Variants in GRIA4 observed in about 807,000 individuals in gnomAD.
GRIA4 encodes the protein glutamate ionotropic receptor AMPA type subunit 4.
Under a neutral mutation model 104.0 loss-of-function variants are expected in GRIA4, and 34 were observed. The ratio of observed to expected loss-of-function variants is 0.33; its 90% CI spans 0.25 to 0.44. GRIA4 has a LOEUF of 0.44. GRIA4 is among the 20% of genes least tolerant of loss of function. The probability of loss-of-function intolerance (pLI) is 1.00; values close to 1 mark genes in which losing one functional copy is unlikely to be tolerated. For missense variants in GRIA4, 750 were observed against 1,096.5 expected (o/e 0.68, Z 4.46); for synonymous variants, 386 against 381.9 (o/e 1.01, Z -0.13).
rs1246413233 is a variant in GRIA4, at chr11:105,777,649, C to T, written c.487+24429C>T. 2.0e-5 allele frequency among the ~76,000 whole-genome samples: 3 copies of T among 151,958 alleles called. No homozygotes were observed. The South Asian group carries it at 6.2e-4, about 32-fold the overall frequency. On this transcript the variant is annotated intron_variant, in intron 4 of 16. Transcript: ENST00000282499. ...ATAAAAAATTTTGTGGATCTAGATA[C>T]CATCAAGATGAAGCCTAGGTTCATG...
At chr11:105,847,656 G>A (rs1329787824) in intron 4 of GRIA4, among the ~76,000 whole-genome samples, 1 of 152,034 alleles carries the variant, frequency 6.6e-6, no homozygotes, top group Non-Finnish European at 1.5e-5. Context: ...TTACAGAAAA[G>A]GTAATCCTAC....
At chr11:105,916,138 C>T (rs1767172230) in intron 10 of GRIA4, among the ~76,000 whole-genome samples, 1 of 152,066 alleles carries the variant, frequency 6.6e-6, no homozygotes, top group Admixed American at 6.6e-5. Context: ...GAGCCGAGAT[C>T]GCACTACTAC....
At chr11:105,842,044 G>C (rs1174249812) in intron 4 of GRIA4, among the ~76,000 whole-genome samples, 3 of 152,080 alleles carry the variant, frequency 2.0e-5, no homozygotes, top group Non-Finnish European at 4.4e-5. Flanking sequence ...AGCTCATTGA[G>C]AAGTTACCAT....
intron 3 of GRIA4, among the ~76,000 whole-genome samples, chr11:105,718,932 AG>A (rs1323774319): frequency 1.3e-5 from 2 of 152,130 alleles, no homozygotes; most frequent in Non-Finnish European, 2.9e-5. Flanking sequence ...AGGGGAAACA[AG>A]GTAGGGAGTC....
intron 11 of GRIA4, among the ~76,000 whole-genome samples, chr11:105,922,996 G>A (rs2136192063): frequency 6.6e-6 from 1 of 152,082 alleles, no homozygotes; most frequent in South Asian, 2.1e-4. Flanking sequence ...ATTCCCTCTT[G>A]AAGGCATATG....
chr11:105,808,665 A>G (rs958555150), intron 4 of GRIA4, among the ~76,000 whole-genome samples: 5 of 152,116 alleles, frequency 3.3e-5, no homozygotes, highest in African/African-American at 1.2e-4. Context: ...GATCAAAAAT[A>G]TATTTAAGTC....
chr11:105,794,728 C>T (rs1942410163), intron 4 of GRIA4, among the ~76,000 whole-genome samples: 1 of 149,780 alleles, frequency 6.7e-6, no homozygotes, highest in Non-Finnish European at 1.5e-5. Context: ...CATTCTAATC[C>T]AGGGGTTTTA....
intron 4 of GRIA4, chr11:105,842,644 G>A (rs1944435226): frequency 2.0e-5 from 3 of 152,096 alleles, no homozygotes; most frequent in South Asian, 2.1e-4. Flanking sequence ...AGTAGATCAC[G>A]AGATAATCAT....
chr11:105,954,426 C>A lies in GRIA4; in HGVS notation c.2295-17488C>A, dbSNP rs565680168. ...TTATTACAGTATCACTTTCCACTGC[C>A]CAGAAAATTTTGGGTGTGTGGGGGC... On this transcript the variant is annotated intron_variant, in intron 14 of 16. Coordinates refer to ENST00000282499, the MANE Select transcript of GRIA4 (RefSeq NM_000829.4). 5.3e-5 allele frequency among the ~76,000 whole-genome samples: 8 copies of A among 152,124 alleles called. No homozygotes were observed. In the South Asian group the frequency reaches 1.5e-3, roughly 28 times the overall value.
At position 105,663,016 on chromosome 11, in the gene GRIA4, A is replaced by G. The variant is rs116643202; in HGVS notation, c.247+50582A>G. 5.6e-3 allele frequency among the ~76,000 whole-genome samples: 855 copies of G among 152,082 alleles called. 8 individuals are homozygous for G. Among genetic ancestry groups the G allele is most frequent in the African/African-American group, 0.019 (789 of 41,538 alleles). On this transcript the variant is annotated intron_variant, in intron 3 of 16. Coordinates refer to ENST00000282499, the MANE Select transcript of GRIA4 (RefSeq NM_000829.4). ...GTGAATGGGAACAGTCTTGCCAAAA[A>G]ATAATCACGACAGATAATCTAAAAT...
chr11:105,696,673 C>A (rs756376080), intron 3 of GRIA4, among the ~76,000 whole-genome samples: 2 of 152,024 alleles, frequency 1.3e-5, no homozygotes, highest in Non-Finnish European at 2.9e-5. Context: ...AATGTTTGCA[C>A]CTGAAAAGGA....
chr11:105,756,854 C>T (rs1329317689), intron 4 of GRIA4, among the ~76,000 whole-genome samples: 1 of 152,056 alleles, frequency 6.6e-6, no homozygotes, highest in East Asian at 1.9e-4. Context: ...GCCAGACTGA[C>T]AGTCAATATT....
At chr11:105,745,182 TAAC>T (rs772272859) in intron 3 of GRIA4, among the ~76,000 whole-genome samples, 37 of 152,250 alleles carry the variant, frequency 2.4e-4, no homozygotes, top group Admixed American at 5.2e-4. Context: ...AAAATAATAA[TAAC>T]GATATTAATA....
chr11:105,785,559 G>C (rs2135786319), intron 4 of GRIA4, among the ~76,000 whole-genome samples: 1 of 152,256 alleles, frequency 6.6e-6, no homozygotes, highest in South Asian at 2.1e-4. Flanking sequence ...GGCAGATGTT[G>C]ATGTACCTTA....
chr11:105,882,644 C>T (rs969736594), intron 5 of GRIA4, among the ~76,000 whole-genome samples: 1 of 152,074 alleles, frequency 6.6e-6, no homozygotes, highest in African/African-American at 2.4e-5. Context: ...TTCTTGAAAC[C>T]CACTGCGTTC....
intron 4 of GRIA4, among the ~76,000 whole-genome samples, chr11:105,756,767 A>T (rs1193391970): frequency 6.6e-6 from 1 of 152,116 alleles, no homozygotes; most frequent in Non-Finnish European, 1.5e-5. Context: ...AGGAAAAAAA[A>T]AAATCTCATC....
At chr11:105,895,567 G>T (rs1329498679) in intron 6 of GRIA4, among the ~76,000 whole-genome samples, 2 of 149,924 alleles carry the variant, frequency 1.3e-5, no homozygotes, top group African/African-American at 4.9e-5. Context: ...ATACATACAT[G>T]GATAGATAAT....
chr11:105,624,364 A>C (rs1338551878), intron 3 of GRIA4, among the ~76,000 whole-genome samples: 1 of 152,266 alleles, frequency 6.6e-6, no homozygotes, highest in Admixed American at 6.5e-5. Flanking sequence ...CCTTTTGGGA[A>C]GCCCAGGTGA....
chr11:105,912,724 C>A, intron 10 of GRIA4: 1 of 960,492 alleles, frequency 1.0e-6, no homozygotes, highest in Non-Finnish European at 1.2e-6. Context: ...TTCAAAAAGA[C>A]ATACTAGAAT....
Sources: allele counts gnomAD v4.1 joint callset (sites outside exome capture counted in the v4.1 genomes callset), GRCh38; gene constraint gnomAD v4.1.1; transcripts MANE v1.5; gene names NCBI Gene and HGNC (gene_info 2026-07-23, HGNC 2026-07-21).